Variants in VPS13D observed in about 807,000 individuals in gnomAD.
The protein encoded by VPS13D is intermembrane lipid transfer protein VPS13D.
In VPS13D, 187 loss-of-function variants were observed where a neutral mutation model predicts 461.9. The ratio of observed to expected loss-of-function variants is 0.40; its 90% CI spans 0.36 to 0.46. The LOEUF (loss-of-function observed/expected upper bound fraction) is 0.46, where lower values mean the gene tolerates loss of function less well. VPS13D is among the 20% of genes least tolerant of loss of function. The pLI, the probability that VPS13D is intolerant of heterozygous loss-of-function variation, is 0.60. For synonymous variants in VPS13D, 1,951 were observed against 1,986.3 expected, an observed-to-expected ratio of 0.98 and a Z score of 0.47; for missense variants, 4,711 against 5,364.9, an observed-to-expected ratio of 0.88 and a Z score of 3.81.
intron 27 of VPS13D, 49 bp downstream of exon 27, chr1:12,308,690 G>A (rs1240294069): frequency 1.9e-6 from 3 of 1,583,922 alleles, no homozygotes; most frequent in Non-Finnish European, 2.6e-6. Context: ...CTGTTCACCA[G>A]GCAGGGTGGA....
In VPS13D at chr1:12,358,441, T is replaced by C; in HGVS notation, c.9999-18T>C. On this transcript the variant is annotated intron_variant, in intron 49 of 69. Transcript: ENST00000620676. ...TCTTGTGGATGAATATCTACATCTT[T>C]GCTTTTCTGCCCCACAGCTGCACGA... is the stretch of plus-strand genomic sequence containing the variant. 2.5e-6 allele frequency: 4 copies of C among 1,613,400 alleles called. No homozygotes were observed. Among genetic ancestry groups the C allele is most frequent in the Non-Finnish European group, 3.4e-6 (4 of 1,179,692 alleles).
intron 64 of VPS13D, among the ~76,000 whole-genome samples, chr1:12,415,679 C>G (rs982280200): frequency 1.3e-5 from 2 of 152,020 alleles, no homozygotes; most frequent in African/African-American, 4.8e-5. Context: ...AAAGTAAAGG[C>G]AAGGCATAAT....
At chr1:12,395,317 C>T (rs536992379) in intron 60 of VPS13D, among the ~76,000 whole-genome samples, 3 of 152,274 alleles carry the variant, frequency 2.0e-5, no homozygotes, top group South Asian at 2.1e-4. Context: ...TCAGTTTCCC[C>T]GAGTTTCATC....
chr1:12,256,978 A>G lies in VPS13D; in HGVS notation c.841-9A>G. The G allele has an allele frequency of 1.2e-6, 2 of 1,613,960 alleles. No homozygotes were observed. On this transcript the variant is annotated splice_polypyrimidine_tract_variant and intron_variant, in intron 8 of 69. Coordinates refer to ENST00000620676, the MANE Select transcript of VPS13D (RefSeq NM_015378.4). ...TCTAACCTAGTATCTCTTAACCTCT[A>G]ATACAAAGCTGCAATACCGGCAAAT...
At position 12,495,388 on chromosome 1, in the gene VPS13D, G is replaced by A. The variant is rs138750266; in HGVS notation, c.12663-2112G>A. Among the ~76,000 whole-genome samples the A allele has an allele frequency of 0.011, 1,650 of 152,116 alleles. 25 individuals are homozygous for A. The highest frequency in any genetic ancestry group is 0.037 in the African/African-American group (1,529 of 41,496). ...TTAGCCAGGATGATCTTGATCTCCT[G>A]ACCCTGTGATCCATCCGCCTCGGCC... On this transcript the variant is annotated intron_variant, in intron 67 of 69. Transcript: ENST00000620676. This position sits in a 1 kb window ranked among gnomAD's most constrained non-coding sequence, Gnocchi z 4.0.
chr1:12,380,146 A>T (rs1329382873), intron 57 of VPS13D, among the ~76,000 whole-genome samples: 1 of 152,182 alleles, frequency 6.6e-6, no homozygotes, highest in Non-Finnish European at 1.5e-5. Context: ...ATTGCCCTGG[A>T]TGATAAGATA....
At chr1:12,261,750 T>C in intron 12 of VPS13D, 151 bp from the exon 13 acceptor site, 2 of 644,628 alleles carry the variant, frequency 3.1e-6, no homozygotes, top group Non-Finnish European at 5.1e-6. Flanking sequence ...TTAGGAAATA[T>C]TATAAAATAG....
rs751209647 is a variant in VPS13D at position 12,273,134 on chromosome 1, A to G, written c.2235A>G (p.Gln745=). The change falls in exon 18 of 70, where the codon CAA becomes CAG. Residue 745 remains glutamine, a splice_region_variant and synonymous_variant. Coordinates refer to ENST00000620676, the MANE Select transcript of VPS13D (RefSeq NM_015378.4). ...DLGRMLLTNT[Q]DNSRRKSRDG... ...GAAGAATGCTTTTGACGAACACCCA[A>G]GGTATAGTGTGAGTGGGAAATAATG... The G allele has an allele frequency of 1.2e-6, 2 of 1,613,766 alleles. No homozygotes were observed. The highest frequency in any genetic ancestry group is 2.2e-5 in the East Asian group (1 of 44,862).
intron 67 of VPS13D, among the ~76,000 whole-genome samples, chr1:12,466,875 G>A (rs1645490986): frequency 6.6e-6 from 1 of 152,224 alleles, no homozygotes; most frequent in Admixed American, 6.5e-5. Context: ...CCAGCTGAAG[G>A]GAAGGGACTG....
At chr1:12,455,863 G>A (rs1645319455) in intron 65 of VPS13D, 135 bp from the exon 66 acceptor site, 12 of 1,109,562 alleles carry the variant, frequency 1.1e-5, no homozygotes, top group Non-Finnish European at 1.4e-5. Context: ...AGGTTGTGAT[G>A]AGATGAGATC....
intron 67 of VPS13D, among the ~76,000 whole-genome samples, chr1:12,491,171 C>A (rs539404683): frequency 1.3e-5 from 2 of 152,304 alleles, no homozygotes; most frequent in South Asian, 2.1e-4. Flanking sequence ...AAGCCCTGGA[C>A]ACATACATAA....
At chr1:12,499,736 A>G (rs1233864791) in intron 68 of VPS13D, 3 of 985,302 alleles carry the variant, frequency 3.0e-6, no homozygotes, top group Non-Finnish European at 3.6e-6. Flanking sequence ...GCACGTGACC[A>G]CGGCCTTCCC....
rs956514525 is a variant in VPS13D at position 12,456,194 on chromosome 1, T to C, written c.12466+64T>C. ...CCTCAGAGGCGCCTTTGTATCAATC[T>C]GATTGCAGCTATAAAAAAAGAAAGG... On this transcript the variant is annotated intron_variant, in intron 66 of 69. Transcript: ENST00000620676. 1.4e-5 allele frequency: 22 copies of C among 1,532,834 alleles called. No homozygotes were observed. In the Admixed American group the frequency reaches 1.8e-4, roughly 12 times the overall value. The allele number at this position is 1,532,834 out of a possible 1,614,324, so 95.0% of individuals were successfully genotyped here.
chr1:12,354,383 T>C (rs1643868038), intron 47 of VPS13D, among the ~76,000 whole-genome samples, 162 bp downstream of exon 47: 2 of 152,104 alleles, frequency 1.3e-5, no homozygotes, highest in South Asian at 4.2e-4. Context: ...AAATAACCTT[T>C]AGCTAGAGGT....
intron 2 of VPS13D, among the ~76,000 whole-genome samples, chr1:12,238,898 G>T (rs1640254395): frequency 6.6e-6 from 1 of 151,882 alleles, no homozygotes; most frequent in South Asian, 2.1e-4. Context: ...CTCCTAAAGT[G>T]CTGGGATTAT....
intron 68 of VPS13D, chr1:12,499,752 T>G: frequency 1.0e-6 from 1 of 985,364 alleles, no homozygotes; most frequent in Non-Finnish European, 1.2e-6. Context: ...TTCCCAAGTG[T>G]ACAAGGAAGA....
At chr1:12,338,000 AAAAG>A (rs1643486411) in intron 39 of VPS13D, 1 of 419,362 alleles carries the variant, frequency 2.4e-6, no homozygotes, top group African/African-American at 2.0e-5. Flanking sequence ...AAAAAAAAAA[AAAAG>A]CATGTTACTT....
intron 67 of VPS13D, among the ~76,000 whole-genome samples, chr1:12,489,570 G>A (rs1458296871): frequency 2.0e-5 from 3 of 152,156 alleles, no homozygotes; most frequent in African/African-American, 7.2e-5. Context: ...AAAGGGGAAA[G>A]GAAAATACTT....
At chr1:12,339,984 C>T (rs577143864) in intron 40 of VPS13D, among the ~76,000 whole-genome samples, 1 of 152,196 alleles carries the variant, frequency 6.6e-6, no homozygotes, top group Admixed American at 6.5e-5. Flanking sequence ...GAAAGCACAT[C>T]TGGCTTCTTT....
Sources: allele counts gnomAD v4.1 joint callset (sites outside exome capture counted in the v4.1 genomes callset), GRCh38; gene constraint gnomAD v4.1.1; non-coding constraint Gnocchi (gnomAD v3.1); transcripts MANE v1.5; gene names NCBI Gene and HGNC (gene_info 2026-07-23, HGNC 2026-07-21).